Variants in SYNPO2 observed in about 807,000 individuals in gnomAD.
SYNPO2 encodes the protein synaptopodin 2, also known as synaptopodin-2.
SYNPO2 carries 56 observed loss-of-function variants against 85.0 expected under a neutral mutation model. That is an observed-to-expected ratio of 0.66 (90% CI 0.53 to 0.82). SYNPO2 has a LOEUF of 0.82. SYNPO2 is among the 40% of genes least tolerant of loss of function. The pLI is 0.00. For missense variants in SYNPO2, 1,575 were observed against 1,534.2 expected, an observed-to-expected ratio of 1.03 and a Z score of -0.44; for synonymous variants, 602 against 591.1, an observed-to-expected ratio of 1.02 and a Z score of -0.27.
chr4:118,903,254 C>T (rs905013464), intron 1 of SYNPO2, among the ~76,000 whole-genome samples: 3 of 152,130 alleles, frequency 2.0e-5, no homozygotes, highest in Non-Finnish European at 4.4e-5. Flanking sequence ...TGGAAATTCA[C>T]TTAATCAGGC....
In SYNPO2 at chr4:119,030,530, G is replaced by C; in HGVS notation, c.1755G>C (p.Met585Ile). 6.2e-7 allele frequency: 1 copy of C among 1,614,194 alleles called. No homozygotes were observed. ...ETANIQRMVPMNRTAKPFPGS... is the reference protein window; with the variant it reads ...ETANIQRMVPINRTAKPFPGS... ...CAAACATCCAGAGGATGGTCCCCATGAATAGAACGGCCAAACCCTTCCCAG... is the reference window on the plus strand; with the variant it reads ...CAAACATCCAGAGGATGGTCCCCATCAATAGAACGGCCAAACCCTTCCCAG... Residue 585 changes from methionine to isoleucine, a missense_variant, in exon 4 of 5, where the codon ATG becomes ATC. Met to Ile is a conservative substitution (Grantham distance 10). Around this residue, in one of 3 missense-constraint regions of SYNPO2, gnomAD observed 1,508 missense variants for 1,446.8 expected, o/e 1.04. Transcript: ENST00000307142.
rs1578661932 is a variant in SYNPO2, at chr4:119,031,373, A to G, written c.2598A>G (p.Pro866=). 6.2e-7 allele frequency: 1 copy of G among 1,614,204 alleles called. No homozygotes were observed. The highest frequency in any genetic ancestry group is 2.2e-5 in the East Asian group (1 of 44,884). The change falls in exon 4 of 5, where the codon CCA becomes CCG. Residue 866 remains proline (P), a synonymous_variant. Transcript: ENST00000307142. ...CAGTGGGACCATCCAATGAGCTTCC[A>G]GGAATGAGTGGGAGAGGAGCTCAGC... ...PGAVGPSNEL[P]GMSGRGAQLF...
chr4:119,049,881 T>C (rs1400889589), intron 4 of SYNPO2, among the ~76,000 whole-genome samples: 2 of 152,214 alleles, frequency 1.3e-5, no homozygotes, highest in African/African-American at 4.8e-5. Flanking sequence ...ATGCACTGTA[T>C]TCCCTACGGC....
chr4:119,041,429 T>G (rs1222901777), intron 4 of SYNPO2, among the ~76,000 whole-genome samples: 2 of 152,204 alleles, frequency 1.3e-5, no homozygotes, highest in Non-Finnish European at 2.9e-5. Flanking sequence ...AATGTACTAA[T>G]TTAAGGTTTC....
intron 1 of SYNPO2, among the ~76,000 whole-genome samples, chr4:118,916,262 T>C (rs779485643): frequency 4.6e-5 from 7 of 151,888 alleles, no homozygotes; most frequent in Non-Finnish European, 8.8e-5. Context: ...AGCCTCAACC[T>C]GCTGGGCTCA....
rs558925173 is a variant in SYNPO2, at chr4:118,977,331, C to T, written c.106-46099C>T. ...CATTGCCCGAGGCCGCAGGGCTGGC[C>T]AGCTGCTCCGAGTGCGGGGCCTGCC... On this transcript the variant is annotated intron_variant, in intron 1 of 4. Transcript: ENST00000307142. Among the ~76,000 whole-genome samples, 81 of 152,344 alleles carry T rather than the reference C, an allele frequency of 5.3e-4. 1 individual carries two copies. The highest frequency in any genetic ancestry group is 1.9e-3 in the South Asian group (9 of 4,832).
chr4:119,017,658 G>GC (rs1232145944), intron 1 of SYNPO2, among the ~76,000 whole-genome samples: 5 of 152,180 alleles, frequency 3.3e-5, no homozygotes, highest in South Asian at 4.2e-4. Flanking sequence ...ATTGAGAATA[G>GC]CCCCACATGT....
chr4:118,855,525 C>T (rs1056838305), intron 1 of SYNPO2, among the ~76,000 whole-genome samples: 1 of 151,992 alleles, frequency 6.6e-6, no homozygotes, highest in African/African-American at 2.4e-5. Context: ...AGAATATTTT[C>T]ATATTAAATG....
chr4:119,052,599 T>C (rs923389945), intron 4 of SYNPO2, among the ~76,000 whole-genome samples: 4 of 152,160 alleles, frequency 2.6e-5, no homozygotes, highest in African/African-American at 9.7e-5. Flanking sequence ...GTTAGCGACC[T>C]GAGAGAAGAA....
chr4:119,055,153 A>AT (rs1223824240), intron 4 of SYNPO2, among the ~76,000 whole-genome samples: 40 of 145,598 alleles, frequency 2.7e-4, no homozygotes, highest in African/African-American at 9.4e-4. Context: ...TTATTTATTT[A>AT]TTTATTTTTT....
At chr4:118,917,098 C>T (rs1471519906) in intron 1 of SYNPO2, among the ~76,000 whole-genome samples, 4 of 152,056 alleles carry the variant, frequency 2.6e-5, no homozygotes, top group African/African-American at 9.7e-5. Context: ...TTGATTAAAA[C>T]ACAAAGAAAC....
chr4:118,957,563 T>C (rs953748309), intron 1 of SYNPO2, among the ~76,000 whole-genome samples: 6 of 152,190 alleles, frequency 3.9e-5, no homozygotes, highest in Non-Finnish European at 8.8e-5. Context: ...AATACTCTGT[T>C]CATGGGATAC....
intron 4 of SYNPO2, chr4:119,034,007 C>T (rs1738393360): frequency 2.0e-6 from 2 of 985,270 alleles, no homozygotes; most frequent in Non-Finnish European, 2.4e-6. Flanking sequence ...AGGTTACAAC[C>T]ACAGGATGTA....
intron 1 of SYNPO2, among the ~76,000 whole-genome samples, chr4:118,898,301 C>A (rs1732613286): frequency 6.6e-6 from 1 of 152,182 alleles, no homozygotes; most frequent in African/African-American, 2.4e-5. Context: ...TGTGTTCCTG[C>A]TCCCACCACC....
intron 1 of SYNPO2, among the ~76,000 whole-genome samples, chr4:118,945,166 A>T (rs1453261028): frequency 6.6e-6 from 1 of 152,212 alleles, no homozygotes; most frequent in Non-Finnish European, 1.5e-5. Context: ...CTAGAATAGT[A>T]TTTTCTGACA....
intron 1 of SYNPO2, among the ~76,000 whole-genome samples, chr4:118,854,481 A>G (rs960139707): frequency 1.3e-5 from 2 of 152,234 alleles, no homozygotes; most frequent in African/African-American, 4.8e-5. Flanking sequence ...TTTTTTCTAT[A>G]TGAATCAAGG....
At chr4:118,946,784 A>C (rs1734519998) in intron 1 of SYNPO2, among the ~76,000 whole-genome samples, 1 of 152,230 alleles carries the variant, frequency 6.6e-6, no homozygotes, top group African/African-American at 2.4e-5. Flanking sequence ...ATAATTTAGC[A>C]TGCCCTCTTT....
At chr4:119,027,540 C>A in intron 3 of SYNPO2, 102 bp downstream of exon 3, 1 of 1,130,982 alleles carries the variant, frequency 8.8e-7, no homozygotes. Flanking sequence ...TTATGTTTCT[C>A]ATTGGCTTAA....
chr4:118,884,769 A>T (rs1418152923), upstream of SYNPO2, among the ~76,000 whole-genome samples: 1 of 152,100 alleles, frequency 6.6e-6, no homozygotes, highest in Non-Finnish European at 1.5e-5. Flanking sequence ...TATTTTTTTT[A>T]CTCATATTAA....
Sources: allele counts gnomAD v4.1 joint callset (sites outside exome capture counted in the v4.1 genomes callset), GRCh38; gene constraint gnomAD v4.1.1; regional missense constraint gnomAD v4.1.1; transcripts MANE v1.5; gene names NCBI Gene and HGNC (gene_info 2026-07-23, HGNC 2026-07-21).